Variants in SGPL1 observed in about 807,000 individuals in gnomAD.
SGPL1 encodes sphingosine-1-phosphate lyase 1.
Under a neutral mutation model 68.9 loss-of-function variants are expected in SGPL1, and 37 were observed. That is an observed-to-expected ratio of 0.54 (90% CI 0.41 to 0.71). The LOEUF (loss-of-function observed/expected upper bound fraction) is 0.71. Ranked by LOEUF, SGPL1 falls within the 30% of genes least tolerant of loss-of-function variation. The pLI, the probability that SGPL1 is intolerant of heterozygous loss-of-function variation, is 0.00. For missense variants in SGPL1, 551 were observed against 704.6 expected (o/e 0.78, Z 2.47); for synonymous variants, 236 against 248.5 (o/e 0.95, Z 0.47).
chr10:70,855,140 G>T (rs1471563961), intron 5 of SGPL1, among the ~76,000 whole-genome samples: 1 of 152,152 alleles, frequency 6.6e-6, no homozygotes. Flanking sequence ...GAGAATATAA[G>T]ATATGTAATA....
intron 8 of SGPL1, among the ~76,000 whole-genome samples, chr10:70,868,865 G>C (rs938284404): frequency 2.6e-5 from 4 of 152,222 alleles, no homozygotes; most frequent in Admixed American, 6.5e-5. Flanking sequence ...AAACTTTAGT[G>C]TGAGGGCTGT....
chr10:70,844,831 C>T (rs1303833615), intron 3 of SGPL1, among the ~76,000 whole-genome samples, 193 bp downstream of exon 3: 1 of 152,166 alleles, frequency 6.6e-6, no homozygotes, highest in Non-Finnish European at 1.5e-5. Context: ...CCTCTGCCTC[C>T]CAGGTTCAAG....
intron 2 of SGPL1, among the ~76,000 whole-genome samples, chr10:70,829,692 G>A (rs573739824): frequency 1.3e-5 from 2 of 152,148 alleles, no homozygotes; most frequent in African/African-American, 4.8e-5. Context: ...CAGCTTCTAA[G>A]TGAGAGCTAA....
intron 7 of SGPL1, among the ~76,000 whole-genome samples, chr10:70,864,119 G>GTTGCTC (rs1428162250): frequency 6.6e-6 from 1 of 152,030 alleles, no homozygotes; most frequent in African/African-American, 2.4e-5. Flanking sequence ...TTTCAGTTAG[G>GTTGCTC]AAGGTTGCTC....
chr10:70,869,795 G>C lies in SGPL1; in HGVS notation c.708G>C (p.Val236=). 1 of 1,613,624 alleles carries C rather than the reference G, an allele frequency of 6.2e-7. No individual in the cohort carries two copies. Among genetic ancestry groups the C allele is most frequent in the Non-Finnish European group, 8.5e-7 (1 of 1,179,654 alleles). The part of the protein sequence containing the change: ...FEKGIKTPEI[V]APQSAHAAFN... ...TCTCCTCTTCCCTGTCATTTAGTGT[G>C]GCTCCCCAAAGTGCCCATGCTGCAT... Residue 236 remains valine (V), a synonymous_variant, in exon 9 of 15, where the codon GTG becomes GTC. Transcript: ENST00000373202.
intron 2 of SGPL1, among the ~76,000 whole-genome samples, chr10:70,823,088 G>A (rs1171173291): frequency 2.0e-5 from 3 of 151,810 alleles, no homozygotes; most frequent in Non-Finnish European, 4.4e-5. Flanking sequence ...GAGTTTACCG[G>A]AATGAGGACT....
At chr10:70,845,665 T>TTTTTTTTTTTTTTTTTTTTTTTTGAG (rs1554837241) in intron 3 of SGPL1, among the ~76,000 whole-genome samples, 1 of 151,292 alleles carries the variant, frequency 6.6e-6, no homozygotes, top group South Asian at 2.1e-4. Flanking sequence ...GTTACCTTCT[T>TTTTTTTTTTTTTTTTTTTTTTTTGAG]ATGAGTTATT....
At chr10:70,864,401 T>TA (rs1846140230) in intron 7 of SGPL1, among the ~76,000 whole-genome samples, 4 of 152,218 alleles carry the variant, frequency 2.6e-5, no homozygotes, top group Admixed American at 2.6e-4. Flanking sequence ...CTGGGTTCAA[T>TA]AAACTTATTT....
intron 4 of SGPL1, among the ~76,000 whole-genome samples, chr10:70,854,427 G>A (rs925778339): frequency 2.6e-5 from 4 of 152,036 alleles, no homozygotes; most frequent in Non-Finnish European, 4.4e-5. Context: ...TGCCCACCTC[G>A]GCTTCCTGAA....
chr10:70,852,724 G>A (rs1473933802), intron 4 of SGPL1, among the ~76,000 whole-genome samples: 2 of 139,272 alleles, frequency 1.4e-5, no homozygotes, highest in Middle Eastern at 7.1e-3. Context: ...GTGTGTGTGT[G>A]TGTGCGCGCG....
rs747514776 is a variant in SGPL1, at chr10:70,859,395, A to G, written c.511A>G (p.Asn171Asp). The G allele has an allele frequency of 3.3e-6, 5 of 1,536,924 alleles. No homozygotes were observed. The highest frequency in any genetic ancestry group is 4.4e-6 in the Non-Finnish European group (5 of 1,142,928). ...VKAYGDFAWSNPLHPDIFPGL... is the reference protein window; with the variant it reads ...VKAYGDFAWSDPLHPDIFPGL... ...GGCTTATGGAGATTTTGCATGGAGT[A>G]ACCCCCTGCATCCAGATATCTTCCC... Residue 171 changes from asparagine to aspartate, a missense_variant, in exon 7 of 15, where the codon AAC (asparagine) becomes GAC (aspartate). Asn to Asp is a conservative substitution (Grantham distance 23, BLOSUM62 1). Coordinates refer to ENST00000373202, the MANE Select transcript of SGPL1 (RefSeq NM_003901.4).
rs142821570 is a variant in SGPL1 at position 70,841,305 on chromosome 10, C to G, written c.28-3168C>G. Among the ~76,000 whole-genome samples the G allele has an allele frequency of 1.8e-3, 278 of 152,196 alleles. 2 individuals are homozygous for G. The highest frequency in any genetic ancestry group is 6.6e-3 in the African/African-American group (273 of 41,542). ...AATGTTAATTACCTTATACCACAGT[C>G]TAATTACTAAGAGTATTGTCTGAGT... On this transcript the variant is annotated intron_variant, in intron 2 of 14. Coordinates refer to ENST00000373202, the MANE Select transcript of SGPL1 (RefSeq NM_003901.4).
chr10:70,850,863 CA>C (rs1845867615), intron 3 of SGPL1, among the ~76,000 whole-genome samples: 2 of 130,504 alleles, frequency 1.5e-5, no homozygotes, highest in South Asian at 2.4e-4. Context: ...TAAGGAAACT[CA>C]GGGGGGTAGC....
In SGPL1 at chr10:70,840,810, C is replaced by A. The variant is rs920329972; in HGVS notation, c.28-3663C>A. On this transcript the variant is annotated intron_variant, in intron 2 of 14. Transcript: ENST00000373202. ...ATGTTAGTGAGGAATGTCTTTATAT[C>A]TTAATTTTAAGGCTTTTAAAAATTA... is the stretch of plus-strand genomic sequence containing the variant. Among the ~76,000 whole-genome samples, 10 of 152,102 alleles carry A rather than the reference C, an allele frequency of 6.6e-5. No homozygotes were observed. In the East Asian group the frequency reaches 1.9e-3, roughly 29 times the overall value.
chr10:70,827,322 G>C (rs916564604), intron 2 of SGPL1, among the ~76,000 whole-genome samples: 1 of 152,046 alleles, frequency 6.6e-6, no homozygotes, highest in African/African-American at 2.4e-5. Context: ...CTGTTTTGTG[G>C]CTGCCTCTTC....
chr10:70,858,263 G>A (rs1224709800), intron 6 of SGPL1, among the ~76,000 whole-genome samples: 2 of 152,064 alleles, frequency 1.3e-5, no homozygotes, highest in Non-Finnish European at 2.9e-5. Context: ...AGCCTCCTGA[G>A]TAGTTGGGAC....
chr10:70,825,255 A>G (rs1429440873), intron 2 of SGPL1, among the ~76,000 whole-genome samples: 2 of 152,160 alleles, frequency 1.3e-5, no homozygotes, highest in African/African-American at 4.8e-5. Context: ...CTCTTTTGCT[A>G]CCCTCTGATC....
At chr10:70,850,971 A>G (rs1391281900) in intron 3 of SGPL1, among the ~76,000 whole-genome samples, 172 bp from the exon 4 acceptor site, 3 of 152,204 alleles carry the variant, frequency 2.0e-5, no homozygotes, top group Admixed American at 6.5e-5. Context: ...CCATGTAAAT[A>G]TAGTACTTAT....
chr10:70,848,727 G>A (rs1845831225), intron 3 of SGPL1, among the ~76,000 whole-genome samples: 1 of 152,132 alleles, frequency 6.6e-6, no homozygotes, highest in African/African-American at 2.4e-5. Flanking sequence ...CTCCCAAAGT[G>A]CTGGGATAAC....
Sources: allele counts gnomAD v4.1 joint callset (sites outside exome capture counted in the v4.1 genomes callset), GRCh38; gene constraint gnomAD v4.1.1; transcripts MANE v1.5; gene names NCBI Gene and HGNC (gene_info 2026-07-23, HGNC 2026-07-21).